HNRNPR: variants seen among roughly 807,000 people sequenced by gnomAD.
The protein encoded by HNRNPR is heterogeneous nuclear ribonucleoprotein R.
Under a neutral mutation model 70.3 loss-of-function variants are expected in HNRNPR, and 4 were observed. That is an observed-to-expected ratio of 0.06 (90% CI 0.03 to 0.13). HNRNPR has a LOEUF of 0.13. Among genes scored for constraint, HNRNPR ranks in the 10% least tolerant of loss-of-function variants. The probability of loss-of-function intolerance (pLI) is 1.00; values close to 1 mark genes in which losing one functional copy is unlikely to be tolerated. For synonymous variants in HNRNPR, 241 were observed against 267.6 expected (o/e 0.90, Z 0.97); for missense variants, 423 against 788.5 (o/e 0.54, Z 5.55).
Position 23,306,467 on chromosome 1 carries a change from T to A in HNRNPR, c.*3987A>T, listed in dbSNP as rs1645203512. ...AACCCCACCTAGCAAGTCGACATCA[T>A]GACATGTCAGGTCAGGGCAGCCTCA... On this transcript the variant is annotated 3_prime_UTR_variant, in exon 11 of 11. Transcript: ENST00000302271. 6.6e-6 allele frequency: 1 copy of A among 151,994 alleles called. No homozygotes were observed. The highest frequency in any genetic ancestry group is 6.6e-5 in the Admixed American group (1 of 15,238). The allele number at this position is 151,994 out of a possible 1,614,324, so 9.4% of individuals were successfully genotyped here. A position where few individuals can be genotyped will look rare whatever the true frequency, so the allele number is the denominator to read the frequency against.
Position 23,305,108 on chromosome 1 carries a change from G to T in HNRNPR, c.*5346C>A, listed in dbSNP as rs1248220002. The T allele has an allele frequency of 2.0e-5, 3 of 152,126 alleles. No homozygotes were observed. The highest frequency in any genetic ancestry group is 4.4e-5 in the Non-Finnish European group (3 of 68,008). 9.4% of individuals were successfully genotyped at this position (152,126 alleles called of 1,614,324 possible). The stretch of plus-strand genomic sequence containing the variant: ...TTTGAGCAATTTAAGTTTTTCCCCA[G>T]AATGTCTCCTTTGTTGGTTCCACAA... On this transcript the variant is annotated 3_prime_UTR_variant, in exon 11 of 11. Coordinates refer to ENST00000302271, the MANE Select transcript of HNRNPR (RefSeq NM_005826.5).
chr1:23,341,896 G>A (rs1646716168), intron 1 of HNRNPR, among the ~76,000 whole-genome samples: 1 of 152,120 alleles, frequency 6.6e-6, no homozygotes. Context: ...CAGCCTGTAG[G>A]TAATGCTGAA....
chr1:23,314,242 A>T lies in HNRNPR; in HGVS notation c.1018-540T>A, dbSNP rs190609862. On this transcript the variant is annotated intron_variant, in intron 8 of 10. Coordinates refer to ENST00000302271, the MANE Select transcript of HNRNPR (RefSeq NM_005826.5). Reference sequence around the variant, plus strand: ...AGGATAAACTCCAAATAGATTGAAAATTTAAATAATAAAAGGGTGGAGGGA... The same window carrying T: ...AGGATAAACTCCAAATAGATTGAAATTTTAAATAATAAAAGGGTGGAGGGA... Among the ~76,000 whole-genome samples, 36 of 152,290 alleles carry T rather than the reference A, an allele frequency of 2.4e-4. No homozygotes were observed. The East Asian group carries it at 5.0e-3, about 21-fold the overall frequency.
At chr1:23,332,347 T>C (rs1570067007) in intron 5 of HNRNPR, among the ~76,000 whole-genome samples, 1 of 151,940 alleles carries the variant, frequency 6.6e-6, no homozygotes, top group East Asian at 1.9e-4. Flanking sequence ...ACTAAGTCCC[T>C]TCTGAGTGAT....
At chr1:23,329,055 A>C (rs1257284356) in intron 5 of HNRNPR, among the ~76,000 whole-genome samples, 1 of 152,180 alleles carries the variant, frequency 6.6e-6, no homozygotes, top group East Asian at 1.9e-4. Flanking sequence ...CAGGAGTTTG[A>C]GGTTGCAGTG....
rs930122344 is a variant in HNRNPR, at chr1:23,305,151, G to T, written c.*5303C>A. ...TTCCACAAAATGTATTTTGTTTTTAGTGTTTAAAGTCAACAAACTGGCATT... is the reference window on the plus strand; with the variant it reads ...TTCCACAAAATGTATTTTGTTTTTATTGTTTAAAGTCAACAAACTGGCATT... On this transcript the variant is annotated 3_prime_UTR_variant, in exon 11 of 11. Coordinates refer to ENST00000302271, the MANE Select transcript of HNRNPR (RefSeq NM_005826.5). 1 of 152,040 alleles carries T rather than the reference G, an allele frequency of 6.6e-6. No homozygotes were observed. Among genetic ancestry groups the T allele is most frequent in the African/African-American group, 2.4e-5 (1 of 41,400 alleles). The allele number at this position is 152,040 out of a possible 1,614,324, so 9.4% of individuals were successfully genotyped here.
At chr1:23,311,686 C>T (rs1348988491) in intron 9 of HNRNPR, 21 of 175,466 alleles carry the variant, frequency 1.2e-4, no homozygotes, top group Non-Finnish European at 1.2e-4. Context: ...AGTATTAATA[C>T]GAGCCAGACA....
chr1:23,322,131 T>C (rs1036321933), intron 6 of HNRNPR, among the ~76,000 whole-genome samples: 2 of 152,196 alleles, frequency 1.3e-5, no homozygotes, highest in Admixed American at 1.3e-4. Flanking sequence ...ATTCTAAATA[T>C]ATAGTTTTAA....
intron 4 of HNRNPR, among the ~76,000 whole-genome samples, chr1:23,334,634 C>T (rs561251851): frequency 1.3e-5 from 2 of 152,292 alleles, no homozygotes; most frequent in South Asian, 4.1e-4. Context: ...ATCAGGTAAT[C>T]AGACAAGAAT....
intron 4 of HNRNPR, among the ~76,000 whole-genome samples, chr1:23,334,294 T>C (rs1356563558): frequency 6.8e-6 from 1 of 146,374 alleles, no homozygotes; most frequent in African/African-American, 2.5e-5. Flanking sequence ...TGGAGTGCAG[T>C]AGCGCGATCT....
chr1:23,319,549 C>T (rs1224880024), intron 7 of HNRNPR, among the ~76,000 whole-genome samples: 1 of 152,206 alleles, frequency 6.6e-6, no homozygotes, highest in African/African-American at 2.4e-5. Flanking sequence ...ACTAGTATGA[C>T]AGCTTCAACT....
intron 7 of HNRNPR, among the ~76,000 whole-genome samples, chr1:23,320,685 T>C (rs1645720388): frequency 1.3e-5 from 2 of 152,314 alleles, no homozygotes; most frequent in East Asian, 3.9e-4. Context: ...TTTTAAATCA[T>C]AGGTAGTATT....
At chr1:23,330,884 T>A (rs1646193767) in intron 5 of HNRNPR, among the ~76,000 whole-genome samples, 1 of 152,142 alleles carries the variant, frequency 6.6e-6, no homozygotes, top group Non-Finnish European at 1.5e-5. Flanking sequence ...AAAGAACATA[T>A]AAAAGAACAA....
At chr1:23,328,008 A>AG (rs1557886762) in intron 5 of HNRNPR, among the ~76,000 whole-genome samples, 1 of 151,456 alleles carries the variant, frequency 6.6e-6, no homozygotes, top group East Asian at 1.9e-4. Flanking sequence ...AAAAAAAAAA[A>AG]AAAAAGAAAA....
At chr1:23,331,318 T>C (rs1386326964) in intron 5 of HNRNPR, among the ~76,000 whole-genome samples, 2 of 150,194 alleles carry the variant, frequency 1.3e-5, no homozygotes, top group Admixed American at 6.6e-5. Context: ...TCCCAGCATT[T>C]TGGGAGACCA....
intron 8 of HNRNPR, among the ~76,000 whole-genome samples, chr1:23,315,938 T>C (rs557613291): frequency 1.3e-5 from 2 of 152,348 alleles, no homozygotes; most frequent in Non-Finnish European, 1.5e-5. Context: ...GACTTTTCTA[T>C]GATGAAACGA....
intron 5 of HNRNPR, among the ~76,000 whole-genome samples, chr1:23,325,491 ATTC>A (rs2148401717): frequency 6.6e-6 from 1 of 152,240 alleles, no homozygotes; most frequent in Non-Finnish European, 1.5e-5. Flanking sequence ...AGTTATTGCA[ATTC>A]TTCTACCTCC....
At position 23,333,995 on chromosome 1, in the gene HNRNPR, C is replaced by T. The variant is rs1236671200; in HGVS notation, c.385-364G>A. 5.3e-5 allele frequency among the ~76,000 whole-genome samples: 8 copies of T among 150,652 alleles called. No homozygotes were observed. The East Asian group carries it at 8.0e-4, about 15-fold the overall frequency. ...GTGGCATCGTCTCGGCTCACTGCAA[C>T]CTCTGCCTCCCGGGTCTAAGAGATT... On this transcript the variant is annotated intron_variant, in intron 4 of 10. Coordinates refer to ENST00000302271, the MANE Select transcript of HNRNPR (RefSeq NM_005826.5).
rs1645227155 is a variant in HNRNPR, at chr1:23,307,907, C to T, written c.*2547G>A. On this transcript the variant is annotated 3_prime_UTR_variant, in exon 11 of 11. Transcript: ENST00000302271. ...AATTCCTTACACTCATAATTTGTAC[C>T]TAATTTAAAAAAAAAAAAATGCCAA... is the stretch of plus-strand genomic sequence containing the variant. 6.9e-6 allele frequency: 1 copy of T among 145,440 alleles called. No individual in the cohort carries two copies. Among genetic ancestry groups the T allele is most frequent in the East Asian group, 1.9e-4 (1 of 5,180 alleles). 9.0% of individuals were successfully genotyped at this position (145,440 alleles called of 1,614,324 possible).
Sources: allele counts gnomAD v4.1 joint callset (sites outside exome capture counted in the v4.1 genomes callset), GRCh38; gene constraint gnomAD v4.1.1; transcripts MANE v1.5; gene names NCBI Gene and HGNC (gene_info 2026-07-23, HGNC 2026-07-21).